The following ABCG1 variants were observed in gnomAD, a reference collection of about 807,000 sequenced individuals.
ABCG1 encodes ATP binding cassette subfamily G member 1, also known as ATP-binding cassette sub-family G member 1.
ABCG1 carries 29 observed loss-of-function variants against 69.2 expected under a neutral mutation model. That is an observed-to-expected ratio of 0.42 (90% CI 0.31 to 0.57). ABCG1 has a LOEUF of 0.57. Ranked by LOEUF, ABCG1 falls within the 20% of genes least tolerant of loss-of-function variation. The probability of loss-of-function intolerance (pLI) is 0.15; values close to 1 mark genes in which losing one functional copy is unlikely to be tolerated. For missense variants in ABCG1, 718 were observed against 898.1 expected (o/e 0.80, Z 2.56); for synonymous variants, 370 against 374.8 (o/e 0.99, Z 0.15).
intron 5 of ABCG1, among the ~76,000 whole-genome samples, chr21:42,279,928 A>T (rs2068777573): frequency 6.6e-6 from 1 of 152,206 alleles, no homozygotes; most frequent in Admixed American, 6.5e-5. Context: ...CCTGCCTAAG[A>T]CACGGCCCGG....
chr21:42,280,777 C>T (rs2068793865), intron 5 of ABCG1, among the ~76,000 whole-genome samples: 1 of 152,212 alleles, frequency 6.6e-6, no homozygotes, highest in Admixed American at 6.5e-5. Flanking sequence ...AGCCTGGAAG[C>T]ACCAGAGCCA....
In ABCG1 at chr21:42,284,568, A is replaced by T; in HGVS notation, c.743A>T (p.Asp248Val). The T allele has an allele frequency of 6.2e-7, 1 of 1,613,370 alleles. No individual in the cohort carries two copies. Among genetic ancestry groups the T allele is most frequent in the Non-Finnish European group, 8.5e-7 (1 of 1,180,008 alleles). ...MFFDEPTSGL[D>V]SASCFQVVSL... ...TGCCTCTTGACTTGCAGCGGCCTGG[A>T]CAGCGCCTCCTGCTTCCAGGTGGTC... The change falls in exon 7 of 15, where the codon GAC (aspartate) becomes GTC (valine). Residue 248 changes from aspartate to valine, a missense_variant. By Grantham distance (152) the Asp-to-Val change is radical. Coordinates refer to ENST00000398449, the MANE Select transcript of ABCG1 (RefSeq NM_016818.3).
At chr21:42,279,936 C>T (rs966067832) in intron 5 of ABCG1, among the ~76,000 whole-genome samples, 10 of 152,320 alleles carry the variant, frequency 6.6e-5, no homozygotes, top group South Asian at 2.1e-4. Flanking sequence ...AGACACGGCC[C>T]GGATGAGAGC....
chr21:42,290,757 C>T (rs1036438080), intron 11 of ABCG1, among the ~76,000 whole-genome samples: 1 of 152,202 alleles, frequency 6.6e-6, no homozygotes, highest in Non-Finnish European at 1.5e-5. Flanking sequence ...TGCAGCCTTG[C>T]TCACAGGAAG....
intron 2 of ABCG1, among the ~76,000 whole-genome samples, chr21:42,231,204 C>T (rs749520495): frequency 8.5e-5 from 13 of 152,222 alleles, no homozygotes; most frequent in Non-Finnish European, 1.6e-4. Flanking sequence ...TTCTCTCCAA[C>T]AGGTGAAGCG....
intron 2 of ABCG1, among the ~76,000 whole-genome samples, chr21:42,205,429 T>C (rs1391708705): frequency 6.6e-6 from 1 of 152,012 alleles, no homozygotes; most frequent in African/African-American, 2.4e-5. Flanking sequence ...TAAAAACCTG[T>C]CTCTACTAAA....
intron 2 of ABCG1, among the ~76,000 whole-genome samples, chr21:42,245,788 C>T (rs2068123030): frequency 8.9e-6 from 1 of 111,982 alleles, no homozygotes. Context: ...CACATCTAAG[C>T]ATCTTGGCAC....
At chr21:42,265,642 C>T (rs531762986) in intron 2 of ABCG1, among the ~76,000 whole-genome samples, 10,790 of 152,166 alleles carry the variant, frequency 0.071, 1,233 homozygotes, top group African/African-American at 0.24. Context: ...TTCCAGCCTC[C>T]GGGGCTGTGA....
At chr21:42,247,451 C>G (rs1371958024) in intron 2 of ABCG1, among the ~76,000 whole-genome samples, 1 of 152,162 alleles carries the variant, frequency 6.6e-6, no homozygotes, top group East Asian at 1.9e-4. Context: ...CCGGGGGCAC[C>G]CGGTGGAGAA....
intron 2 of ABCG1, among the ~76,000 whole-genome samples, chr21:42,205,809 T>C (rs1354169038): frequency 5.3e-5 from 8 of 152,224 alleles, no homozygotes; most frequent in Non-Finnish European, 1.2e-4. Flanking sequence ...ATTTCCAATG[T>C]ATATGAATTC....
At chr21:42,272,445 C>T (rs1178960907) in intron 3 of ABCG1, among the ~76,000 whole-genome samples, 4 of 152,226 alleles carry the variant, frequency 2.6e-5, no homozygotes, top group East Asian at 3.8e-4. Context: ...GAGACCCGGC[C>T]GCAGGCCCAC....
At chr21:42,269,559 C>A (rs926635145) in intron 2 of ABCG1, among the ~76,000 whole-genome samples, 1 of 152,240 alleles carries the variant, frequency 6.6e-6, no homozygotes, top group Non-Finnish European at 1.5e-5. Flanking sequence ...GCCCCTACCC[C>A]CGCTGGGATG....
At chr21:42,281,667 G>A (rs552319288) in intron 5 of ABCG1, among the ~76,000 whole-genome samples, 1 of 152,246 alleles carries the variant, frequency 6.6e-6, no homozygotes, top group South Asian at 2.1e-4. Context: ...AAGAACAAAA[G>A]TGACTCTGTC....
At chr21:42,283,651 TCC>T (rs1231781314) in intron 6 of ABCG1, among the ~76,000 whole-genome samples, 35 of 143,692 alleles carry the variant, frequency 2.4e-4, no homozygotes, top group Admixed American at 4.9e-4. Context: ...AGTTGTGAAG[TCC>T]CCCCCCACCC....
At chr21:42,226,779 A>G (rs1193782095) in intron 2 of ABCG1, among the ~76,000 whole-genome samples, 1 of 152,042 alleles carries the variant, frequency 6.6e-6, no homozygotes, top group Non-Finnish European at 1.5e-5. Flanking sequence ...TCAAGAAACC[A>G]TGGTCCCTAG....
At chr21:42,216,878 G>C (rs2067646618), upstream of ABCG1, among the ~76,000 whole-genome samples, 1 of 152,182 alleles carries the variant, frequency 6.6e-6, no homozygotes, top group African/African-American at 2.4e-5. Context: ...TCGGTGCTGG[G>C]CATGCTAGAA....
chr21:42,268,507 C>T (rs1025843559), intron 2 of ABCG1, among the ~76,000 whole-genome samples: 13 of 152,224 alleles, frequency 8.5e-5, no homozygotes, highest in Admixed American at 3.9e-4. Context: ...CTGTTGTACC[C>T]GGGCTGTCCC....
At chr21:42,285,738 A>G (rs1601447082) in intron 7 of ABCG1, 142 bp from the exon 8 acceptor site, 3 of 674,054 alleles carry the variant, frequency 4.5e-6, no homozygotes, top group East Asian at 2.5e-5. Flanking sequence ...GGGGTGATGT[A>G]AAGCTCTCAG....
chr21:42,206,375 TAAATAAATAAAC>T (rs1475655183), intron 2 of ABCG1, among the ~76,000 whole-genome samples: 47 of 147,458 alleles, frequency 3.2e-4, no homozygotes, highest in African/African-American at 1.1e-3. Flanking sequence ...AATAAATAAA[TAAATAAATAAAC>T]AAACAAACAA....
Sources: gnomAD v4.1 joint callset for allele counts (sites outside exome capture counted in the v4.1 genomes callset) on GRCh38, gnomAD v4.1.1 for gene constraint, MANE v1.5 for transcripts, NCBI Gene and HGNC (gene_info 2026-07-23, HGNC 2026-07-21) for gene names.